SPNS3: variants seen among roughly 807,000 people sequenced by gnomAD.
SPNS3 encodes SPNS lysolipid transporter 3, sphingosine-1-phosphate (putative).
A neutral mutation model predicts 54.4 loss-of-function variants in SPNS3; 51 were observed. The ratio of observed to expected loss-of-function variants is 0.94; its 90% CI spans 0.75 to 1.18. The LOEUF (loss-of-function observed/expected upper bound fraction) is 1.18, where lower values mean the gene tolerates loss of function less well. SPNS3 is among the 50% of genes most tolerant of loss of function. The probability of loss-of-function intolerance (pLI) is 0.00; values close to 1 mark genes in which losing one functional copy is unlikely to be tolerated. For synonymous variants in SPNS3, 309 were observed against 294.7 expected (o/e 1.05, Z -0.50); for missense variants, 669 against 677.4 (o/e 0.99, Z 0.14).
intron 8 of SPNS3, among the ~76,000 whole-genome samples, chr17:4,477,817 T>C (rs1972043540): frequency 6.6e-6 from 1 of 152,030 alleles, no homozygotes; most frequent in Admixed American, 6.5e-5. Context: ...GAGGGTCCTT[T>C]GGTGGGGTGC....
At chr17:4,434,811 T>TA (rs1970672814) in intron 1 of SPNS3, among the ~76,000 whole-genome samples, 1 of 127,650 alleles carries the variant, frequency 7.8e-6, no homozygotes, top group African/African-American at 3.0e-5. Flanking sequence ...CCCGGCCTTT[T>TA]TTTTTTTTCT....
chr17:4,474,519 C>T (rs954706642), intron 8 of SPNS3, among the ~76,000 whole-genome samples: 1 of 152,126 alleles, frequency 6.6e-6, no homozygotes, highest in East Asian at 1.9e-4. Flanking sequence ...AGTTACCGCC[C>T]AGTTGGAAGA....
intron 9 of SPNS3, chr17:4,481,853 C>T (rs1166320254): frequency 6.6e-6 from 1 of 151,356 alleles, no homozygotes; most frequent in Non-Finnish European, 1.5e-5. Flanking sequence ...ACTTCCAGAT[C>T]ATCCCTTCCT....
At chr17:4,450,904 G>A (rs561422249) in intron 7 of SPNS3, among the ~76,000 whole-genome samples, 16 of 151,810 alleles carry the variant, frequency 1.1e-4, no homozygotes, top group African/African-American at 3.6e-4. Flanking sequence ...CACCGTGCCC[G>A]GCCGAACTTA....
chr17:4,471,812 A>G (rs1305740520), intron 8 of SPNS3, among the ~76,000 whole-genome samples: 3 of 151,612 alleles, frequency 2.0e-5, no homozygotes, highest in Non-Finnish European at 4.4e-5. Context: ...AAGCCAATAT[A>G]AGGAATTTCC....
chr17:4,445,601 TC>T (rs1370393552), intron 3 of SPNS3, among the ~76,000 whole-genome samples: 1 of 152,084 alleles, frequency 6.6e-6, no homozygotes, highest in Non-Finnish European at 1.5e-5. Flanking sequence ...GGTCTCGAAC[TC>T]CCAGCCTCAG....
chr17:4,478,130 C>A (rs1424167862), intron 8 of SPNS3, among the ~76,000 whole-genome samples: 1 of 151,868 alleles, frequency 6.6e-6, no homozygotes, highest in Non-Finnish European at 1.5e-5. Context: ...AGCCACCACA[C>A]CCTGCTAATT....
intron 8 of SPNS3, among the ~76,000 whole-genome samples, chr17:4,460,207 A>G (rs779866426): frequency 5.3e-5 from 8 of 152,136 alleles, no homozygotes; most frequent in Non-Finnish European, 1.0e-4. Flanking sequence ...GTGCCAGATC[A>G]TGTAGGATGT....
chr17:4,440,259 C>T (rs559745039), intron 2 of SPNS3, among the ~76,000 whole-genome samples: 2 of 152,284 alleles, frequency 1.3e-5, no homozygotes, highest in African/African-American at 2.4e-5. Flanking sequence ...GGTCATGAGG[C>T]GTTAGCTTTT....
In SPNS3 at chr17:4,463,396, CA is replaced by C. The variant is rs368770425; in HGVS notation, c.1113+10206del. Among the ~76,000 whole-genome samples the C allele has an allele frequency of 3.0e-3, 366 of 122,158 alleles. 1 individual carries two copies. The highest frequency in any genetic ancestry group is 4.5e-3 in the Non-Finnish European group (263 of 59,052). The allele number at this position is 122,158 out of a possible 152,430, so 80.1% of individuals were successfully genotyped here. A position where few individuals can be genotyped will look rare whatever the true frequency, so the allele number is the denominator to read the frequency against. ...TGGGCAACAAAGCAAGACTCTGTCTCAAAAAAAAAAAAAAACAAAACAAAAC... is the reference window on the plus strand; with the variant it reads ...TGGGCAACAAAGCAAGACTCTGTCTCAAAAAAAAAAAAAACAAAACAAAAC... On this transcript the variant is annotated intron_variant, in intron 8 of 11. Coordinates refer to ENST00000355530, the MANE Select transcript of SPNS3 (RefSeq NM_182538.5).
At chr17:4,436,425 T>G (rs1291995952) in intron 1 of SPNS3, among the ~76,000 whole-genome samples, 1 of 152,024 alleles carries the variant, frequency 6.6e-6, no homozygotes, top group Non-Finnish European at 1.5e-5. Context: ...AAACCTTGTC[T>G]CTACAAAAAA....
intron 9 of SPNS3, 144 bp downstream of exon 9, chr17:4,478,781 A>G (rs1972080866): frequency 1.3e-6 from 1 of 752,976 alleles, no homozygotes; most frequent in Non-Finnish European, 2.2e-6. Flanking sequence ...CTTGGACCAG[A>G]GGCCTCTCTG....
intron 2 of SPNS3, among the ~76,000 whole-genome samples, chr17:4,441,981 GAA>G (rs146928231): frequency 0.35 from 31,251 of 88,814 alleles, 3,499 homozygotes; most frequent in Middle Eastern, 0.47. Context: ...CACGGAGGGA[GAA>G]GTGTGTGTGT....
At chr17:4,434,655 T>C (rs145046537) in intron 1 of SPNS3, among the ~76,000 whole-genome samples, 18,037 of 148,240 alleles carry the variant, frequency 0.12, 1,404 homozygotes, top group Non-Finnish European at 0.18. Context: ...CACCACCACA[T>C]CCGGCTAATT....
chr17:4,444,044 G>A (rs1307532777), intron 2 of SPNS3, among the ~76,000 whole-genome samples: 3 of 152,110 alleles, frequency 2.0e-5, no homozygotes, highest in Non-Finnish European at 4.4e-5. Flanking sequence ...GAGGCTGCAG[G>A]GAGCTGAGAT....
At chr17:4,466,411 G>A (rs904871108) in intron 8 of SPNS3, among the ~76,000 whole-genome samples, 4 of 149,938 alleles carry the variant, frequency 2.7e-5, no homozygotes, top group Non-Finnish European at 1.5e-5. Flanking sequence ...ATGGTGGCAC[G>A]TGCCTGTAAT....
chr17:4,459,101 C>A (rs539649409), intron 8 of SPNS3, among the ~76,000 whole-genome samples: 8 of 152,186 alleles, frequency 5.3e-5, no homozygotes, highest in Non-Finnish European at 8.8e-5. Context: ...TTACCACCGT[C>A]TCTCCATGGA....
chr17:4,468,741 C>CTTTCTTTCTTTCTTTCTT (rs1971759667), intron 8 of SPNS3, among the ~76,000 whole-genome samples: 1 of 142,170 alleles, frequency 7.0e-6, no homozygotes, highest in African/African-American at 2.8e-5. Context: ...TTCTTTCTTT[C>CTTTCTTTCTTTCTTTCTT]TTTCTTTCTT....
chr17:4,487,729 C>A, intron 11 of SPNS3, 77 bp from the exon 12 acceptor site: 1 of 1,309,924 alleles, frequency 7.6e-7, no homozygotes, highest in Non-Finnish European at 1.1e-6. Context: ...TTCCTGACAG[C>A]CCGTGCCCAG....
Sources: allele counts gnomAD v4.1 joint callset (sites outside exome capture counted in the v4.1 genomes callset), GRCh38; gene constraint gnomAD v4.1.1; transcripts MANE v1.5; gene names NCBI Gene and HGNC (gene_info 2026-07-23, HGNC 2026-07-21).